The following GALNTL6 variants were observed in gnomAD, a reference collection of about 807,000 sequenced individuals.
GALNTL6 encodes the protein polypeptide N-acetylgalactosaminyltransferase-like 6.
In GALNTL6, 46 loss-of-function variants were observed where a neutral mutation model predicts 73.7. The observed-to-expected ratio is 0.62, with a 90% CI of 0.49 to 0.80. The LOEUF (loss-of-function observed/expected upper bound fraction) is 0.80, where lower values mean the gene tolerates loss of function less well. Ranked by LOEUF, GALNTL6 falls within the 30% of genes least tolerant of loss-of-function variation. The pLI is 0.00. For missense variants in GALNTL6, 604 were observed against 755.0 expected, an observed-to-expected ratio of 0.80 and a Z score of 2.34; for synonymous variants, 259 against 263.7, an observed-to-expected ratio of 0.98 and a Z score of 0.17.
At chr4:171,971,162 CAT>C (rs1408557579) in intron 2 of GALNTL6, among the ~76,000 whole-genome samples, 2 of 152,306 alleles carry the variant, frequency 1.3e-5, no homozygotes, top group African/African-American at 2.4e-5. Flanking sequence ...AGTTTATTAA[CAT>C]GTGGCATTAT....
intron 5 of GALNTL6, among the ~76,000 whole-genome samples, chr4:172,480,743 T>C (rs976206602): frequency 6.6e-6 from 1 of 152,192 alleles, no homozygotes; most frequent in Non-Finnish European, 1.5e-5. Flanking sequence ...TGGTCAGATG[T>C]GGATTAGGCA....
chr4:172,179,572 G>A, intron 2 of GALNTL6, among the ~76,000 whole-genome samples: 1 of 142,266 alleles, frequency 7.0e-6, no homozygotes, highest in Non-Finnish European at 1.5e-5. Flanking sequence ...TGTCAGATGA[G>A]TAGGTTGCAA....
intron 2 of GALNTL6, among the ~76,000 whole-genome samples, chr4:171,916,523 C>T (rs1350321509): frequency 2.0e-5 from 3 of 152,068 alleles, no homozygotes; most frequent in African/African-American, 7.2e-5. Flanking sequence ...TGCGTTCAGA[C>T]ATAAGTCTGA....
intron 5 of GALNTL6, among the ~76,000 whole-genome samples, chr4:172,428,373 T>G (rs191026928): frequency 7.6e-4 from 115 of 152,274 alleles, no homozygotes; most frequent in African/African-American, 2.6e-3. Context: ...GTTAGGAAAC[T>G]GACAACTATT....
intron 2 of GALNTL6, among the ~76,000 whole-genome samples, chr4:171,963,555 A>C (rs1739293032): frequency 6.6e-6 from 1 of 152,222 alleles, no homozygotes; most frequent in Admixed American, 6.5e-5. Context: ...CAATTTAACT[A>C]TAGGGTAATG....
chr4:172,127,047 GAAGT>G (rs1181893235), intron 2 of GALNTL6, among the ~76,000 whole-genome samples: 1 of 152,180 alleles, frequency 6.6e-6, no homozygotes, highest in Non-Finnish European at 1.5e-5. Context: ...AAATGTGACT[GAAGT>G]AATACTCCCC....
chr4:172,211,781 TAGAC>T (rs940415593), intron 2 of GALNTL6, among the ~76,000 whole-genome samples: 1 of 152,196 alleles, frequency 6.6e-6, no homozygotes, highest in Non-Finnish European at 1.5e-5. Context: ...GCATTCCTCA[TAGAC>T]AGTGTCTTCT....
chr4:171,932,120 G>A (rs997281119), intron 2 of GALNTL6, among the ~76,000 whole-genome samples: 5 of 152,136 alleles, frequency 3.3e-5, no homozygotes, highest in Admixed American at 3.3e-4. Flanking sequence ...TATTTTTTGT[G>A]AGGGTGACTT....
intron 3 of GALNTL6, among the ~76,000 whole-genome samples, chr4:172,257,481 T>C (rs1390454241): frequency 6.6e-6 from 1 of 151,340 alleles, no homozygotes; most frequent in Non-Finnish European, 1.5e-5. Context: ...AATTTAACTG[T>C]GGCAGGAATT....
chr4:172,894,244 A>G (rs991899716), intron 8 of GALNTL6, among the ~76,000 whole-genome samples: 1 of 150,956 alleles, frequency 6.6e-6, no homozygotes, highest in East Asian at 1.9e-4. Flanking sequence ...AATTTTGGGG[A>G]TTGGTTTGTT....
intron 2 of GALNTL6, among the ~76,000 whole-genome samples, chr4:172,131,455 T>C (rs1733494492): frequency 7.2e-6 from 1 of 138,852 alleles, no homozygotes; most frequent in Non-Finnish European, 1.6e-5. Context: ...ATATATATTT[T>C]ATATATATTA....
chr4:172,238,328 C>A (rs139493466), intron 3 of GALNTL6, among the ~76,000 whole-genome samples: 8 of 152,170 alleles, frequency 5.3e-5, no homozygotes, highest in Admixed American at 5.2e-4. Context: ...CTCTGGTTAG[C>A]TTTATTCCTA....
chr4:172,088,440 A>C (rs144662884), intron 2 of GALNTL6, among the ~76,000 whole-genome samples: 48 of 152,338 alleles, frequency 3.2e-4, no homozygotes, highest in African/African-American at 1.1e-3. Context: ...CCAGTAACTC[A>C]ATGTGGTACA....
chr4:172,850,846 A>C (rs1743777613), intron 7 of GALNTL6, among the ~76,000 whole-genome samples: 1 of 152,204 alleles, frequency 6.6e-6, no homozygotes. Context: ...AGGATATTAC[A>C]AAGAATACAG....
chr4:172,587,847 C>A (rs899405147), intron 5 of GALNTL6, among the ~76,000 whole-genome samples: 22 of 152,306 alleles, frequency 1.4e-4, no homozygotes, highest in African/African-American at 5.3e-4. Flanking sequence ...CATATTCACA[C>A]ATGAGCTGTG....
At chr4:171,821,991 G>A (rs1465759596) in intron 2 of GALNTL6, among the ~76,000 whole-genome samples, 1 of 151,876 alleles carries the variant, frequency 6.6e-6, no homozygotes, top group Non-Finnish European at 1.5e-5. Flanking sequence ...AAAAGTTGAA[G>A]CTTTTAATAA....
chr4:172,668,664 CCT>C (rs1329296708), intron 5 of GALNTL6: 3 of 152,134 alleles, frequency 2.0e-5, no homozygotes, highest in African/African-American at 7.2e-5. Flanking sequence ...AATCTATTGG[CCT>C]CTCTCAGCCA....
intron 5 of GALNTL6, among the ~76,000 whole-genome samples, chr4:172,560,403 CAGGAGGA>C (rs1736311544): frequency 6.6e-6 from 1 of 151,884 alleles, no homozygotes; most frequent in Non-Finnish European, 1.5e-5. Flanking sequence ...GAAGGTAAGG[CAGGAGGA>C]TCACTTGAGC....
chr4:172,535,904 T>C (rs1333892988), intron 5 of GALNTL6, among the ~76,000 whole-genome samples: 3 of 152,162 alleles, frequency 2.0e-5, no homozygotes, highest in Non-Finnish European at 1.5e-5. Context: ...TGATATGGTT[T>C]GGTTGTGTCC....
Sources: gnomAD v4.1 joint callset for allele counts (sites outside exome capture counted in the v4.1 genomes callset) on GRCh38, gnomAD v4.1.1 for gene constraint, MANE v1.5 for transcripts, NCBI Gene and HGNC (gene_info 2026-07-23, HGNC 2026-07-21) for gene names.